The following EEIG2 variants were observed in gnomAD, a reference collection of about 807,000 sequenced individuals.
The protein encoded by EEIG2 is family with sequence similarity 102 member B.
At chr1:108,609,711 A>G in the EEIG2 span, among the ~76,000 whole-genome samples, 1 of 152,212 alleles carries the variant, frequency 6.6e-6, no homozygotes, top group Non-Finnish European at 1.5e-5. Context: ...AGGAGACCGC[A>G]GAGAAAACTC....
At chr1:108,582,687 A>G in the EEIG2 span, among the ~76,000 whole-genome samples, 1 of 152,192 alleles carries the variant, frequency 6.6e-6, no homozygotes, top group Non-Finnish European at 1.5e-5. Flanking sequence ...AGCAAATCCA[A>G]GAGAGAATTT....
chr1:108,637,265 G>A, the EEIG2 span: 2 of 152,074 alleles, frequency 1.3e-5, no homozygotes, highest in South Asian at 2.1e-4. Flanking sequence ...TTAATAAATA[G>A]AAACACTGAT....
At chr1:108,625,093 G>A in the EEIG2 span, 33 of 194,878 alleles carry the variant, frequency 1.7e-4, no homozygotes, top group African/African-American at 6.5e-4. Flanking sequence ...TCCATGAATC[G>A]CTTTCCCTCT....
the EEIG2 span, among the ~76,000 whole-genome samples, chr1:108,592,013 T>A: frequency 6.6e-6 from 1 of 152,178 alleles, no homozygotes; most frequent in Admixed American, 6.5e-5. Context: ...TTGAACCTAA[T>A]CCTATAAGAG....
the EEIG2 span, chr1:108,560,518 C>T: frequency 6.2e-7 from 1 of 1,612,924 alleles, no homozygotes; most frequent in East Asian, 2.2e-5. Context: ...TCCTCTTCTG[C>T]AAGATGCGGC....
chr1:108,595,100 A>G, the EEIG2 span, among the ~76,000 whole-genome samples: 1 of 152,228 alleles, frequency 6.6e-6, no homozygotes, highest in Non-Finnish European at 1.5e-5. Context: ...TTAGGCATGT[A>G]AAAGCTACTA....
At chr1:108,561,691 T>C in the EEIG2 span, among the ~76,000 whole-genome samples, 2 of 152,222 alleles carry the variant, frequency 1.3e-5, no homozygotes, top group Admixed American at 6.5e-5. Flanking sequence ...AAAATTAAAC[T>C]GTGGTGACAC....
chr1:108,572,725 C>T, the EEIG2 span, among the ~76,000 whole-genome samples: 1 of 152,172 alleles, frequency 6.6e-6, no homozygotes, highest in Non-Finnish European at 1.5e-5. Flanking sequence ...AAGCAATTCT[C>T]CTGCCTCAGC....
the EEIG2 span, among the ~76,000 whole-genome samples, chr1:108,584,846 C>T: frequency 6.6e-6 from 1 of 152,074 alleles, no homozygotes; most frequent in Non-Finnish European, 1.5e-5. Context: ...GTGGACATCA[C>T]TATTTCCTTT....
the EEIG2 span, among the ~76,000 whole-genome samples, chr1:108,575,741 T>C: frequency 6.6e-6 from 1 of 152,192 alleles, no homozygotes; most frequent in African/African-American, 2.4e-5. Flanking sequence ...TCAATTGATA[T>C]AAAACATCTG....
chr1:108,615,564 A>G, the EEIG2 span, among the ~76,000 whole-genome samples: 1 of 152,024 alleles, frequency 6.6e-6, no homozygotes, highest in Non-Finnish European at 1.5e-5. Context: ...ACTTGAGGCC[A>G]GGAGTTCAAG....
the EEIG2 span, among the ~76,000 whole-genome samples, chr1:108,595,686 T>G: frequency 2.3e-5 from 3 of 129,076 alleles, no homozygotes; most frequent in South Asian, 2.5e-4. Flanking sequence ...GGGAGGGAAA[T>G]GTAGTAGCTT....
chr1:108,606,236 GA>G, the EEIG2 span: 1 of 1,564,048 alleles, frequency 6.4e-7, no homozygotes, highest in South Asian at 1.2e-5. Flanking sequence ...TTAAAAGGTG[GA>G]AAAGCTTATG....
At chr1:108,562,359 G>T in the EEIG2 span, among the ~76,000 whole-genome samples, 1 of 152,166 alleles carries the variant, frequency 6.6e-6, no homozygotes, top group East Asian at 1.9e-4. Context: ...AGTATCTTGG[G>T]TTAAACTCAC....
the EEIG2 span, among the ~76,000 whole-genome samples, chr1:108,594,874 T>G: frequency 6.6e-6 from 1 of 152,328 alleles, no homozygotes; most frequent in Admixed American, 6.5e-5. Context: ...CTGAAGTTTC[T>G]TAATCTCTTG....
the EEIG2 span, chr1:108,636,576 G>A: frequency 2.6e-5 from 4 of 152,144 alleles, no homozygotes; most frequent in African/African-American, 7.2e-5. Context: ...CAAGGATTGA[G>A]TATTCTGCAT....
At chr1:108,606,126 C>G in the EEIG2 span, 1 of 700,294 alleles carries the variant, frequency 1.4e-6, no homozygotes, top group South Asian at 3.2e-5. Flanking sequence ...ATGATATTTG[C>G]CAGCATATAT....
chr1:108,589,759 A>G, the EEIG2 span, among the ~76,000 whole-genome samples: 1 of 96,454 alleles, frequency 1.0e-5, no homozygotes, highest in Non-Finnish European at 2.1e-5. Flanking sequence ...TTCAGTGACT[A>G]TTTACATGCT....
the EEIG2 span, among the ~76,000 whole-genome samples, chr1:108,575,928 G>A: frequency 6.7e-6 from 1 of 149,278 alleles, no homozygotes; most frequent in South Asian, 2.1e-4. Flanking sequence ...CTATGGATTT[G>A]TACACTTAAA....
Sources: allele counts gnomAD v4.1 joint callset (sites outside exome capture counted in the v4.1 genomes callset), GRCh38; gene constraint gnomAD v4.1.1; transcripts MANE v1.5; gene names NCBI Gene and HGNC (gene_info 2026-07-23, HGNC 2026-07-21).